Variants in GRIA1 observed in about 807,000 individuals in gnomAD.
GRIA1 encodes the protein glutamate receptor 1.
GRIA1 carries 31 observed loss-of-function variants against 99.2 expected under a neutral mutation model. The observed-to-expected ratio is 0.31, with a 90% confidence interval of 0.23 to 0.42. The LOEUF (loss-of-function observed/expected upper bound fraction) is 0.42. GRIA1 is among the 10% of genes least tolerant of loss of function. GRIA1 has a pLI of 1.00. For missense variants in GRIA1, 782 were observed against 1,157.5 expected (o/e 0.68, Z 4.71); for synonymous variants, 438 against 432.4 (o/e 1.01, Z -0.16).
At chr5:153,674,098 A>G (rs759955632) in intron 5 of GRIA1, among the ~76,000 whole-genome samples, 2 of 152,224 alleles carry the variant, frequency 1.3e-5, no homozygotes, top group Non-Finnish European at 2.9e-5. Context: ...ACCTTGTACT[A>G]TATATCTGCA....
chr5:153,503,758 A>AG (rs1293353322), intron 2 of GRIA1, among the ~76,000 whole-genome samples: 3 of 152,232 alleles, frequency 2.0e-5, no homozygotes, highest in Non-Finnish European at 2.9e-5. Flanking sequence ...TATAGAAATA[A>AG]GGGGGAAAGC....
At chr5:153,799,934 G>C (rs1737804447) in intron 14 of GRIA1, among the ~76,000 whole-genome samples, 1 of 152,150 alleles carries the variant, frequency 6.6e-6, no homozygotes, top group Admixed American at 6.5e-5. Flanking sequence ...TATACTGGAA[G>C]TGAATGCTCC....
chr5:153,728,826 C>T (rs1466654807), intron 11 of GRIA1, among the ~76,000 whole-genome samples: 7 of 100,332 alleles, frequency 7.0e-5, no homozygotes, highest in African/African-American at 2.1e-4. Flanking sequence ...GTCAGTGTGG[C>T]GATTCCTCAG....
intron 2 of GRIA1, among the ~76,000 whole-genome samples, chr5:153,508,445 G>C (rs1043911698): frequency 1.3e-5 from 2 of 151,032 alleles, no homozygotes; most frequent in Non-Finnish European, 3.0e-5. Context: ...GAATATTTCA[G>C]ACAAGAAAAA....
chr5:153,750,178 A>G (rs1172109228), intron 11 of GRIA1, among the ~76,000 whole-genome samples: 1 of 152,196 alleles, frequency 6.6e-6, no homozygotes, highest in Non-Finnish European at 1.5e-5. Context: ...GCATTTGGCC[A>G]GCACTAATTA....
chr5:153,658,997 C>CAA (rs3037013), intron 5 of GRIA1, among the ~76,000 whole-genome samples: 40,513 of 141,244 alleles, frequency 0.29, 6,040 homozygotes, highest in Non-Finnish European at 0.36. Context: ...AACAAACAAA[C>CAA]AAAAAAAAAA....
At chr5:153,490,635 A>G (rs1201707183), upstream of GRIA1, 1 of 537,810 alleles carries the variant, frequency 1.9e-6, no homozygotes, top group African/African-American at 1.9e-5. Context: ...CCAGCGCTCC[A>G]GCTAGCATGA....
intron 2 of GRIA1, among the ~76,000 whole-genome samples, chr5:153,591,317 G>A (rs1340294468): frequency 1.3e-5 from 2 of 152,102 alleles, no homozygotes; most frequent in Non-Finnish European, 2.9e-5. Flanking sequence ...CCATTCCAAC[G>A]ATATTCATCT....
intron 11 of GRIA1, among the ~76,000 whole-genome samples, chr5:153,713,563 A>G (rs1383492491): frequency 6.6e-6 from 1 of 152,250 alleles, no homozygotes; most frequent in Non-Finnish European, 1.5e-5. Flanking sequence ...GAAGTTTCAC[A>G]AGCTCCAAAG....
chr5:153,636,192 C>T (rs910961648), intron 2 of GRIA1, among the ~76,000 whole-genome samples: 3 of 152,166 alleles, frequency 2.0e-5, no homozygotes, highest in Non-Finnish European at 4.4e-5. Context: ...TGACCCTTGG[C>T]TCCTCATCTG....
At chr5:153,598,297 T>C (rs956578165) in intron 2 of GRIA1, among the ~76,000 whole-genome samples, 1 of 152,084 alleles carries the variant, frequency 6.6e-6, no homozygotes, top group Admixed American at 6.5e-5. Flanking sequence ...ACCTTTGATT[T>C]GATTCTGATG....
At chr5:153,787,555 T>A (rs1765042207) in intron 13 of GRIA1, among the ~76,000 whole-genome samples, 1 of 152,218 alleles carries the variant, frequency 6.6e-6, no homozygotes, top group Non-Finnish European at 1.5e-5. Flanking sequence ...GTTTGCTTTA[T>A]GTTTGTTTAC....
rs191609776 is a variant in GRIA1 at position 153,491,873 on chromosome 5, C to G, written c.82+903C>G. Among the ~76,000 whole-genome samples the G allele has an allele frequency of 3.2e-3, 481 of 152,322 alleles. 1 individual carries two copies. The highest frequency in any genetic ancestry group is 5.2e-3 in the Non-Finnish European group (356 of 68,036). ...CTTCTCAAAGGCCCCGCCACCCTCC[C>G]TGTATTTCTGAGGGGACTGACAGAT... On this transcript the variant is annotated intron_variant, in intron 1 of 15. Transcript: ENST00000285900.
At chr5:153,504,828 C>A (rs771725929) in intron 2 of GRIA1, among the ~76,000 whole-genome samples, 1 of 152,120 alleles carries the variant, frequency 6.6e-6, no homozygotes, top group Non-Finnish European at 1.5e-5. Flanking sequence ...GTTTGGTGAT[C>A]CTGAGGCACC....
At chr5:153,687,344 G>A (rs2149498386) in intron 8 of GRIA1, among the ~76,000 whole-genome samples, 1 of 152,258 alleles carries the variant, frequency 6.6e-6, no homozygotes, top group East Asian at 1.9e-4. Context: ...ATTTATTTGA[G>A]CTCTTTGTTC....
chr5:153,536,052 G>A (rs1758535081), intron 2 of GRIA1, among the ~76,000 whole-genome samples: 1 of 151,984 alleles, frequency 6.6e-6, no homozygotes, highest in Non-Finnish European at 1.5e-5. Flanking sequence ...TCCACACCTG[G>A]GGAAATCCAG....
intron 2 of GRIA1, among the ~76,000 whole-genome samples, chr5:153,501,463 G>C (rs567202088): frequency 6.6e-6 from 1 of 152,270 alleles, no homozygotes; most frequent in Admixed American, 6.5e-5. Flanking sequence ...AGGAGTGTTT[G>C]AGAAGCTTCC....
chr5:153,705,661 C>CTTTTTTT (rs1561785222), intron 10 of GRIA1, 36 bp from the exon 11 acceptor site: 2 of 781,104 alleles, frequency 2.6e-6, no homozygotes, highest in African/African-American at 7.5e-5. Flanking sequence ...AGCTCACCTG[C>CTTTTTTT]ATTTTTTTTT....
chr5:153,725,623 A>G lies in GRIA1; in HGVS notation c.1823+19556A>G, dbSNP rs1760462238. On this transcript the variant is annotated intron_variant, in intron 11 of 15. Coordinates refer to ENST00000285900, the MANE Select transcript of GRIA1 (RefSeq NM_000827.4). ...TCTCTGATAAAACAGACTTTAAACC[A>G]ACAAAGATCAAAAGAGACAAGGCCA... Among the ~76,000 whole-genome samples, 2 of 102,630 alleles carry G rather than the reference A, an allele frequency of 1.9e-5. 1 individual carries two copies. Among genetic ancestry groups the G allele is most frequent in the African/African-American group, 8.0e-5 (2 of 24,976 alleles). 67.3% of individuals were successfully genotyped at this position (102,630 alleles called of 152,430 possible). A position where few individuals can be genotyped will look rare whatever the true frequency, so the allele number is the denominator to read the frequency against.
Sources: gnomAD v4.1 joint callset for allele counts (sites outside exome capture counted in the v4.1 genomes callset) on GRCh38, gnomAD v4.1.1 for gene constraint, MANE v1.5 for transcripts, NCBI Gene and HGNC (gene_info 2026-07-23, HGNC 2026-07-21) for gene names.